Variants in ANK3 observed in about 807,000 individuals in gnomAD.
The protein encoded by ANK3 is ankyrin-3.
Under a neutral mutation model 370.9 loss-of-function variants are expected in ANK3, and 57 were observed. That is an observed-to-expected ratio of 0.15 (90% CI 0.12 to 0.19). ANK3 has a LOEUF of 0.19. Among genes scored for constraint, ANK3 ranks in the 10% least tolerant of loss-of-function variants. ANK3 has a pLI of 1.00. For synonymous variants in ANK3, 1,929 were observed against 1,946.3 expected (o/e 0.99, Z 0.23); for missense variants, 4,439 against 5,302.1 (o/e 0.84, Z 5.06).
At chr10:60,385,316 C>G (rs1038576771) in intron 1 of ANK3, among the ~76,000 whole-genome samples, 4 of 151,856 alleles carry the variant, frequency 2.6e-5, no homozygotes, top group Non-Finnish European at 5.9e-5. Flanking sequence ...CTTGCTGACT[C>G]CTCCTCCAAA....
At chr10:60,214,053 TGACTG>T (rs1192993418) in intron 8 of ANK3, among the ~76,000 whole-genome samples, 1 of 152,180 alleles carries the variant, frequency 6.6e-6, no homozygotes, top group Non-Finnish European at 1.5e-5. Context: ...ACAAATCACC[TGACTG>T]GATTATTATA....
rs1173741841 is a variant in ANK3, at chr10:60,379,722, A to C, written c.114+9703T>G. Among the ~76,000 whole-genome samples the C allele has an allele frequency of 2.6e-5, 4 of 152,210 alleles. No homozygotes were observed. In the South Asian group the frequency reaches 8.3e-4, roughly 32 times the overall value. ...ATACTAGAGGCTGGAAAGGTAGGGG[A>C]AAGGGAGGTATAGAGGAAAGATTTG... is the stretch of plus-strand genomic sequence containing the variant. On this transcript the variant is annotated intron_variant, in intron 1 of 43. Coordinates refer to ENST00000280772, the MANE Select transcript of ANK3 (RefSeq NM_020987.5).
intron 2 of ANK3, among the ~76,000 whole-genome samples, chr10:60,408,959 A>T (rs1003487992): frequency 1.2e-4 from 18 of 152,202 alleles, no homozygotes; most frequent in Admixed American, 2.6e-4. Flanking sequence ...TTCAGAAAAC[A>T]AACAGTCATG....
intron 2 of ANK3, among the ~76,000 whole-genome samples, chr10:60,487,718 GCA>G: frequency 9.9e-6 from 1 of 100,566 alleles, no homozygotes. Context: ...TGATGATGTT[GCA>G]TTTTTTTTTT....
chr10:60,128,836 A>C (rs889864393), intron 25 of ANK3, among the ~76,000 whole-genome samples: 1 of 152,230 alleles, frequency 6.6e-6, no homozygotes, highest in African/African-American at 2.4e-5. Context: ...TACCACCATT[A>C]TATCTCCTGA....
At chr10:60,565,865 C>T (rs2077447646) in intron 2 of ANK3, among the ~76,000 whole-genome samples, 1 of 152,184 alleles carries the variant, frequency 6.6e-6, no homozygotes, top group South Asian at 2.1e-4. Flanking sequence ...TTATTTGATT[C>T]CCTTAACACT....
chr10:60,319,931 A>T (rs2048275213), intron 1 of ANK3, among the ~76,000 whole-genome samples: 1 of 152,154 alleles, frequency 6.6e-6, no homozygotes, highest in Non-Finnish European at 1.5e-5. Context: ...AGTTTCTCAA[A>T]CTGGTACTCC....
At chr10:60,703,321 C>T (rs10821827) in intron 1 of ANK3, among the ~76,000 whole-genome samples, 59,541 of 151,900 alleles carry the variant, frequency 0.39, 12,068 homozygotes, top group African/African-American at 0.48. Flanking sequence ...CTCAGAGATA[C>T]AAGTGAAATA....
At chr10:60,648,615 C>A (rs992545485) in intron 1 of ANK3, among the ~76,000 whole-genome samples, 2 of 150,092 alleles carry the variant, frequency 1.3e-5, no homozygotes, top group African/African-American at 4.9e-5. Context: ...ACAAAAAATA[C>A]AAAAATTAGC....
chr10:60,720,924 C>A (rs2079854769), intron 1 of ANK3, among the ~76,000 whole-genome samples: 1 of 152,110 alleles, frequency 6.6e-6, no homozygotes, highest in African/African-American at 2.4e-5. Context: ...TTTTGAAGGT[C>A]AAAGTGACCT....
At chr10:60,296,209 C>G (rs2042474232) in intron 1 of ANK3, among the ~76,000 whole-genome samples, 1 of 152,220 alleles carries the variant, frequency 6.6e-6, no homozygotes, top group Non-Finnish European at 1.5e-5. Context: ...TATGTCCACA[C>G]AGTCGAAATA....
At chr10:60,324,933 A>C (rs926032952) in intron 1 of ANK3, among the ~76,000 whole-genome samples, 3 of 152,194 alleles carry the variant, frequency 2.0e-5, no homozygotes, top group African/African-American at 4.8e-5. Context: ...TGAGGTGGAT[A>C]TTCTTGCTGT....
intron 8 of ANK3, among the ~76,000 whole-genome samples, chr10:60,214,383 T>A (rs892841575): frequency 6.6e-6 from 1 of 152,138 alleles, no homozygotes; most frequent in Admixed American, 6.6e-5. Context: ...TTAAAATCTT[T>A]TTGAAAAATT....
chr10:60,077,529 T>C (rs927849527), intron 36 of ANK3, among the ~76,000 whole-genome samples: 3 of 152,224 alleles, frequency 2.0e-5, no homozygotes, highest in African/African-American at 4.8e-5. Context: ...TATGAAGTCT[T>C]GGTACCTTTT....
At chr10:60,626,738 C>T (rs546229060) in intron 1 of ANK3, among the ~76,000 whole-genome samples, 2 of 152,248 alleles carry the variant, frequency 1.3e-5, no homozygotes, top group South Asian at 4.1e-4. Context: ...AAGGAGACAC[C>T]TGCTTTAAAA....
intron 1 of ANK3, among the ~76,000 whole-genome samples, chr10:60,306,696 G>A (rs1332104554): frequency 1.3e-5 from 2 of 152,150 alleles, no homozygotes; most frequent in Non-Finnish European, 2.9e-5. Flanking sequence ...CACCAGCAGT[G>A]TAAAAGTGTT....
In ANK3 at chr10:60,398,144, C is replaced by T. The variant is rs191357866; in HGVS notation, c.97-118505G>A. Among the ~76,000 whole-genome samples, 71 of 152,306 alleles carry T rather than the reference C, an allele frequency of 4.7e-4. No homozygotes were observed. In the East Asian group the frequency reaches 0.013, roughly 29 times the overall value. ...TATGTAAGGGTATCAAAATGTCTCT[C>T]TAATCCAATAAAACTTTATTTATGG... On this transcript the variant is annotated intron_variant, in intron 2 of 43. Transcript: ENST00000373827.
chr10:60,074,124 C>A lies in ANK3; in HGVS notation c.6757G>T (p.Val2253Phe), dbSNP rs990145098. The A allele has an allele frequency of 6.2e-7, 1 of 1,613,724 alleles. No individual in the cohort carries two copies. The highest frequency in any genetic ancestry group is 8.5e-7 in the Non-Finnish European group (1 of 1,179,896). ...TCACCGCCTGGTGGAGAATGATAAA[C>A]CATTCTGGTGGTTGTGGTTATGTGA... Reference protein sequence around the residue: ...ETHITTTTRMVYHSPPGGEGA... With the variant: ...ETHITTTTRMFYHSPPGGEGA... The change falls in exon 37 of 44, where the codon GTT (valine) becomes TTT (phenylalanine). Residue 2253 changes from valine (V) to phenylalanine (F), a missense_variant. Transcript: ENST00000280772.
chr10:60,135,065 AG>A (rs2132189979), intron 24 of ANK3, among the ~76,000 whole-genome samples: 1 of 152,274 alleles, frequency 6.6e-6, no homozygotes, highest in African/African-American at 2.4e-5. Flanking sequence ...TCTCAGATGC[AG>A]GTACCCTGAT....
Sources: allele counts gnomAD v4.1 joint callset (sites outside exome capture counted in the v4.1 genomes callset), GRCh38; gene constraint gnomAD v4.1.1; transcripts MANE v1.5; gene names NCBI Gene and HGNC (gene_info 2026-07-23, HGNC 2026-07-21).